The following FHDC1 variants were observed in gnomAD, a reference collection of about 807,000 sequenced individuals.
FHDC1 encodes the protein FH2 domain containing 1, also known as FH2 domain-containing protein 1.
A neutral mutation model predicts 52.6 loss-of-function variants in FHDC1; 25 were observed. The ratio of observed to expected loss-of-function variants is 0.48; its 90% CI spans 0.35 to 0.66. The LOEUF (loss-of-function observed/expected upper bound fraction) is 0.66, where lower values mean the gene tolerates loss of function less well. Among genes scored for constraint, FHDC1 ranks in the 30% least tolerant of loss-of-function variants. The pLI, the probability that FHDC1 is intolerant of heterozygous loss-of-function variation, is 0.01. For missense variants in FHDC1, 1,459 were observed against 1,452.8 expected (o/e 1.00, Z -0.07); for synonymous variants, 616 against 581.5 (o/e 1.06, Z -0.85).
chr4:152,969,341 T>C (rs1046089260), intron 10 of FHDC1, among the ~76,000 whole-genome samples: 1 of 152,238 alleles, frequency 6.6e-6, no homozygotes, highest in Admixed American at 6.5e-5. Context: ...TTATTTTTAT[T>C]ATTAAACATG....
At chr4:152,954,519 T>A (rs1484030879) in intron 4 of FHDC1, among the ~76,000 whole-genome samples, 200 bp downstream of exon 4, 1 of 152,060 alleles carries the variant, frequency 6.6e-6, no homozygotes, top group Non-Finnish European at 1.5e-5. Flanking sequence ...GAACTCTGTC[T>A]CTGCCAAAAA....
the FHDC1 span, among the ~76,000 whole-genome samples, chr4:152,930,230 C>CAG: frequency 4.7e-4 from 72 of 152,352 alleles, no homozygotes; most frequent in Non-Finnish European, 7.9e-4. Flanking sequence ...CATTTTAAGA[C>CAG]AGATTAAGTG....
At position 152,976,969 on chromosome 4, in the gene FHDC1, A is replaced by G. The variant is rs1004927917; in HGVS notation, c.*246A>G. 1.8e-5 allele frequency: 6 copies of G among 329,542 alleles called. No homozygotes were observed. The highest frequency in any genetic ancestry group is 1.0e-5 in the Non-Finnish European group (2 of 190,896). The allele number at this position is 329,542 out of a possible 1,614,324, so 20.4% of individuals were successfully genotyped here. A position where few individuals can be genotyped will look rare whatever the true frequency, so the allele number is the denominator to read the frequency against. On this transcript the variant is annotated 3_prime_UTR_variant, in exon 12 of 12. Coordinates refer to ENST00000511601, the MANE Select transcript of FHDC1 (RefSeq NM_001371116.1). Reference sequence around the variant, plus strand: ...CTACTGTGACGGCCGCACCTCCCCCATGCACCCCACCCTCCCCCAAAGCCC... The same window carrying G: ...CTACTGTGACGGCCGCACCTCCCCCGTGCACCCCACCCTCCCCCAAAGCCC...
intron 11 of FHDC1, 117 bp downstream of exon 11, chr4:152,972,658 T>C (rs1740675188): frequency 2.4e-6 from 3 of 1,230,246 alleles, no homozygotes; most frequent in East Asian, 2.5e-5. Context: ...TTCGGGGACA[T>C]CTGGCCCAGG....
chr4:152,924,608 C>T, the FHDC1 span, among the ~76,000 whole-genome samples: 1 of 152,046 alleles, frequency 6.6e-6, no homozygotes, highest in African/African-American at 2.4e-5. Context: ...TTGGAACCAA[C>T]CCAAATGTCC....
chr4:152,940,046 C>T (rs56764629), intron 1 of FHDC1, among the ~76,000 whole-genome samples: 2,935 of 152,298 alleles, frequency 0.019, 111 homozygotes, highest in African/African-American at 0.067. Flanking sequence ...ATCTCTACTG[C>T]GGGCAGTACT....
chr4:152,940,132 C>G (rs1340179102), intron 1 of FHDC1, among the ~76,000 whole-genome samples: 1 of 152,194 alleles, frequency 6.6e-6, no homozygotes, highest in African/African-American at 2.4e-5. Flanking sequence ...AGAATTCTGT[C>G]TGTACTCCAC....
At chr4:152,969,130 C>T (rs944260712) in intron 10 of FHDC1, among the ~76,000 whole-genome samples, 26 of 149,998 alleles carry the variant, frequency 1.7e-4, no homozygotes, top group Non-Finnish European at 3.2e-4. Context: ...TAGTCTTCAG[C>T]GAAAGGCTAT....
At chr4:152,969,052 G>A (rs551280074) in intron 10 of FHDC1, among the ~76,000 whole-genome samples, 31 of 150,656 alleles carry the variant, frequency 2.1e-4, no homozygotes, top group Admixed American at 9.3e-4. Context: ...CTCACTAATC[G>A]CATAGTCTGA....
At chr4:152,956,783 C>T (rs1337968543) in intron 4 of FHDC1, among the ~76,000 whole-genome samples, 2 of 152,194 alleles carry the variant, frequency 1.3e-5, no homozygotes, top group African/African-American at 4.8e-5. Context: ...GAATATCTGG[C>T]GTGCTTGGTC....
At chr4:152,923,114 G>A in the FHDC1 span, among the ~76,000 whole-genome samples, 56 of 152,194 alleles carry the variant, frequency 3.7e-4, no homozygotes, top group Admixed American at 7.2e-4. Context: ...AAACCCCATC[G>A]TCTCAGCCCA....
intron 1 of FHDC1, among the ~76,000 whole-genome samples, chr4:152,939,272 T>G (rs1280781817): frequency 2.0e-5 from 3 of 151,472 alleles, no homozygotes; most frequent in Non-Finnish European, 4.4e-5. Flanking sequence ...GTGTGTGTGT[T>G]TCAGTGTGTG....
At chr4:152,971,437 A>T (rs1052891962) in intron 10 of FHDC1, among the ~76,000 whole-genome samples, 2 of 152,154 alleles carry the variant, frequency 1.3e-5, no homozygotes, top group Non-Finnish European at 2.9e-5. Context: ...TCTCCGCACC[A>T]TACTGCTTCC....
chr4:152,937,619 C>T (rs2149932821), intron 1 of FHDC1, among the ~76,000 whole-genome samples: 1 of 151,718 alleles, frequency 6.6e-6, no homozygotes, highest in Admixed American at 6.6e-5. Flanking sequence ...AACGCCCGCG[C>T]TGGGCGCCCG....
At chr4:152,949,268 G>A (rs1579086426) in intron 2 of FHDC1, among the ~76,000 whole-genome samples, 1 of 151,820 alleles carries the variant, frequency 6.6e-6, no homozygotes, top group Non-Finnish European at 1.5e-5. Context: ...TTGCGGCCAG[G>A]AATTCAACAC....
chr4:152,921,673 C>T, the FHDC1 span, among the ~76,000 whole-genome samples: 5 of 144,120 alleles, frequency 3.5e-5, no homozygotes, highest in African/African-American at 1.3e-4. Flanking sequence ...TTTCCATTAA[C>T]TGAACAATAT....
the FHDC1 span, among the ~76,000 whole-genome samples, chr4:152,915,806 C>G: frequency 6.6e-6 from 1 of 152,056 alleles, no homozygotes; most frequent in African/African-American, 2.4e-5. Context: ...CAAAGTATTA[C>G]CCTACAAATG....
intron 6 of FHDC1, among the ~76,000 whole-genome samples, chr4:152,961,546 C>CG (rs1429147057): frequency 6.6e-6 from 1 of 152,192 alleles, no homozygotes; most frequent in Admixed American, 6.5e-5. Flanking sequence ...CTGAGAATCC[C>CG]GGCGGAGTTG....
intron 9 of FHDC1, among the ~76,000 whole-genome samples, chr4:152,965,611 T>C (rs887982079): frequency 2.6e-5 from 4 of 152,236 alleles, no homozygotes; most frequent in African/African-American, 9.6e-5. Flanking sequence ...TTATATTACA[T>C]CCACACATCC....
Sources: allele counts gnomAD v4.1 joint callset (sites outside exome capture counted in the v4.1 genomes callset), GRCh38; gene constraint gnomAD v4.1.1; transcripts MANE v1.5; gene names NCBI Gene and HGNC (gene_info 2026-07-23, HGNC 2026-07-21).